The following PRRC1 variants were observed in gnomAD, a reference collection of about 807,000 sequenced individuals.
The protein encoded by PRRC1 is proline rich coiled-coil 1.
PRRC1 carries 39 observed loss-of-function variants against 40.7 expected under a neutral mutation model. The observed-to-expected ratio is 0.96, with a 90% CI of 0.74 to 1.25. The LOEUF is 1.25. Among genes scored for constraint, PRRC1 ranks in the 50% most tolerant of loss-of-function variants. The pLI, the probability that PRRC1 is intolerant of heterozygous loss-of-function variation, is 0.00. For missense variants in PRRC1, 573 were observed against 548.3 expected, an observed-to-expected ratio of 1.05 and a Z score of -0.45; for synonymous variants, 175 against 193.3, an observed-to-expected ratio of 0.91 and a Z score of 0.79.
intron 7 of PRRC1, among the ~76,000 whole-genome samples, chr5:127,547,126 T>G (rs114753243): frequency 0.013 from 2,014 of 152,258 alleles, 51 homozygotes; most frequent in African/African-American, 0.044. Context: ...TTTAAATTCA[T>G]TTTTGAGGGT....
chr5:127,554,015 C>T lies in PRRC1; in HGVS notation c.*2099C>T. 9.7e-7 allele frequency: 1 copy of T among 1,027,848 alleles called. No homozygotes were observed. Among genetic ancestry groups the T allele is most frequent in the South Asian group, 1.8e-5 (1 of 56,786 alleles). The allele number at this position is 1,027,848 out of a possible 1,614,324, so 63.7% of individuals were successfully genotyped here. ...CCAGAGTTTTTGAAAAGCAGCGGAG[C>T]ATGACTGACTTCACATGCTCAGCTT... On this transcript the variant is annotated 3_prime_UTR_variant, in exon 9 of 9. Transcript: ENST00000296666.
At chr5:127,543,317 A>G (rs1007877092) in intron 7 of PRRC1, among the ~76,000 whole-genome samples, 1 of 151,580 alleles carries the variant, frequency 6.6e-6, no homozygotes, top group African/African-American at 2.4e-5. Flanking sequence ...TTTTTCCTTC[A>G]TTTCAACTTT....
rs1419882756 is a variant in PRRC1 at position 127,554,089 on chromosome 5, A to AG, written c.*2177dup. 3.6e-6 allele frequency: 2 copies of AG among 556,464 alleles called. No homozygotes were observed. Among genetic ancestry groups the AG allele is most frequent in the Non-Finnish European group, 6.0e-6 (2 of 332,756 alleles). 34.5% of individuals were successfully genotyped at this position (556,464 alleles called of 1,614,324 possible). A position where few individuals can be genotyped will look rare whatever the true frequency, so the allele number is the denominator to read the frequency against. Reference sequence around the variant, plus strand: ...TGTCCTTAGATTTCCCTGTTGTAAAAGGGGCAAGAAAAGTAACTCATCATC... The same window carrying AG: ...TGTCCTTAGATTTCCCTGTTGTAAAAGGGGGCAAGAAAAGTAACTCATCATC... On this transcript the variant is annotated 3_prime_UTR_variant, in exon 9 of 9. Transcript: ENST00000296666.
intron 4 of PRRC1, among the ~76,000 whole-genome samples, chr5:127,527,642 C>G (rs1424141829): frequency 6.6e-6 from 1 of 151,744 alleles, no homozygotes; most frequent in East Asian, 1.9e-4. Context: ...TGCCTGTGGT[C>G]CCATGTACTC....
At chr5:127,543,914 G>A (rs1450064556) in intron 7 of PRRC1, among the ~76,000 whole-genome samples, 1 of 152,208 alleles carries the variant, frequency 6.6e-6, no homozygotes, top group African/African-American at 2.4e-5. Flanking sequence ...CGTTGCTGGT[G>A]AGGAACTGCG....
chr5:127,519,438 CTT>C (rs1212360679), intron 1 of PRRC1, among the ~76,000 whole-genome samples: 2 of 152,210 alleles, frequency 1.3e-5, no homozygotes, highest in African/African-American at 2.4e-5. Context: ...TTTCTCCACT[CTT>C]TATATGAAAA....
chr5:127,537,444 A>C (rs1767927913), intron 6 of PRRC1, among the ~76,000 whole-genome samples: 1 of 151,970 alleles, frequency 6.6e-6, no homozygotes, highest in South Asian at 2.1e-4. Flanking sequence ...AAGAAAGGCC[A>C]GATATAACCC....
At chr5:127,542,741 A>C (rs1385693619) in intron 7 of PRRC1, among the ~76,000 whole-genome samples, 1 of 149,400 alleles carries the variant, frequency 6.7e-6, no homozygotes, top group African/African-American at 2.5e-5. Flanking sequence ...ATCTTCCTCC[A>C]TCCTTTTATT....
chr5:127,530,153 A>AT (rs1294408747), intron 4 of PRRC1, 141 bp from the exon 5 acceptor site: 1 of 621,416 alleles, frequency 1.6e-6, no homozygotes, highest in East Asian at 2.8e-5. Context: ...GCAATTTGAT[A>AT]TTGTCATGAC....
Position 127,553,211 on chromosome 5 carries a change from C to CA in PRRC1, c.*1295_*1296insA. 1 of 984,948 alleles carries CA rather than the reference C, an allele frequency of 1.0e-6. No individual in the cohort carries two copies. Among genetic ancestry groups the CA allele is most frequent in the Non-Finnish European group, 1.2e-6 (1 of 829,546 alleles). The allele number at this position is 984,948 out of a possible 1,614,324, so 61.0% of individuals were successfully genotyped here. A position where few individuals can be genotyped will look rare whatever the true frequency, so the allele number is the denominator to read the frequency against. ...TATAAAAGCTGTTGAAGCTCTTGTCCTGCACTGTCTTTAGGTATCATAGGT... is the reference window on the plus strand; with the variant it reads ...TATAAAAGCTGTTGAAGCTCTTGTCCATGCACTGTCTTTAGGTATCATAGGT... On this transcript the variant is annotated 3_prime_UTR_variant, in exon 9 of 9. Coordinates refer to ENST00000296666, the MANE Select transcript of PRRC1 (RefSeq NM_130809.5).
chr5:127,547,657 T>G (rs1768264485), intron 7 of PRRC1, among the ~76,000 whole-genome samples, 162 bp from the exon 8 acceptor site: 1 of 152,132 alleles, frequency 6.6e-6, no homozygotes, highest in Non-Finnish European at 1.5e-5. Context: ...AGTAATTTTA[T>G]CTGTTGTTTT....
intron 6 of PRRC1, among the ~76,000 whole-genome samples, chr5:127,534,745 C>T (rs1235167760): frequency 6.6e-6 from 1 of 152,162 alleles, no homozygotes; most frequent in Non-Finnish European, 1.5e-5. Context: ...AAATTTATAT[C>T]TCCACCTGAG....
intron 7 of PRRC1, among the ~76,000 whole-genome samples, chr5:127,545,486 A>G (rs1369519572): frequency 6.6e-6 from 1 of 152,088 alleles, no homozygotes; most frequent in Non-Finnish European, 1.5e-5. Context: ...GTCCTTTGTA[A>G]GGACATGGAT....
At chr5:127,520,133 A>G (rs1324000615) in intron 1 of PRRC1, among the ~76,000 whole-genome samples, 1 of 152,230 alleles carries the variant, frequency 6.6e-6, no homozygotes, top group Non-Finnish European at 1.5e-5. Flanking sequence ...TAGGCTGTGC[A>G]TTGGAGGATT....
rs139335294 is a variant in PRRC1, at chr5:127,526,635, A to G, written c.511A>G (p.Ile171Val). The G allele has an allele frequency of 8.3e-5, 134 of 1,611,122 alleles. 1 individual carries two copies. In the East Asian group the frequency reaches 1.5e-3, roughly 19 times the overall value. The change falls in exon 4 of 9, where the codon ATT becomes GTT. Residue 171 changes from isoleucine (I) to valine (V), a missense_variant. Transcript: ENST00000296666. ...PSGTGLLPTP[I>V]TQQASLTSLA... ...TTGATTAGGTCTTTTGCCAACTCCT[A>G]TTACTCAGCAAGCCAGTTTGACATC... is the stretch of plus-strand genomic sequence containing the variant.
At chr5:127,531,040 T>A (rs890565085) in intron 5 of PRRC1, among the ~76,000 whole-genome samples, 22 of 152,198 alleles carry the variant, frequency 1.4e-4, no homozygotes, top group African/African-American at 5.3e-4. Flanking sequence ...TAAGTCAAAA[T>A]TGTGCAGCAG....
intron 3 of PRRC1, 88 bp from the exon 4 acceptor site, chr5:127,526,524 GAATATT>G (rs1361185042): frequency 5.6e-6 from 5 of 887,430 alleles, no homozygotes; most frequent in African/African-American, 3.4e-5. Context: ...TCAAATGCCT[GAATATT>G]AATATTAAAG....
chr5:127,530,016 A>C (rs1191793143), intron 4 of PRRC1, among the ~76,000 whole-genome samples: 1 of 152,122 alleles, frequency 6.6e-6, no homozygotes, highest in Non-Finnish European at 1.5e-5. Flanking sequence ...ACACACATAT[A>C]TATGTATATA....
chr5:127,537,432 AAAAG>A (rs1300456416), intron 6 of PRRC1, among the ~76,000 whole-genome samples: 5 of 151,982 alleles, frequency 3.3e-5, no homozygotes, highest in Admixed American at 2.6e-4. Flanking sequence ...GGTCAGAGGA[AAAAG>A]AAAGGCCAGA....
Sources: allele counts gnomAD v4.1 joint callset (sites outside exome capture counted in the v4.1 genomes callset), GRCh38; gene constraint gnomAD v4.1.1; transcripts MANE v1.5; gene names NCBI Gene and HGNC (gene_info 2026-07-23, HGNC 2026-07-21).